Variants in NEK10 observed in about 807,000 individuals in gnomAD.
NEK10 encodes serine/threonine-protein kinase Nek10.
Under a neutral mutation model 159.8 loss-of-function variants are expected in NEK10, and 122 were observed. That is an observed-to-expected ratio of 0.76 (90% CI 0.66 to 0.89). The LOEUF (loss-of-function observed/expected upper bound fraction) is 0.89, where lower values mean the gene tolerates loss of function less well. NEK10 is among the 40% of genes least tolerant of loss of function. NEK10 has a pLI of 0.00. For missense variants in NEK10, 1,342 were observed against 1,323.1 expected, an observed-to-expected ratio of 1.01 and a Z score of -0.22; for synonymous variants, 466 against 457.1, an observed-to-expected ratio of 1.02 and a Z score of -0.25.
At chr3:27,243,408 G>GC (rs1954752290) in intron 23 of NEK10, among the ~76,000 whole-genome samples, 1 of 147,556 alleles carries the variant, frequency 6.8e-6, no homozygotes, top group East Asian at 1.9e-4. Flanking sequence ...TAATTCTTTT[G>GC]CCCCTAATAT....
At chr3:27,254,773 T>C (rs1219038585) in intron 23 of NEK10, among the ~76,000 whole-genome samples, 1 of 152,184 alleles carries the variant, frequency 6.6e-6, no homozygotes, top group Admixed American at 6.5e-5. Context: ...ATAGCTTATC[T>C]ATATGAGTAG....
rs1248297899 is a variant in NEK10 at position 27,171,949 on chromosome 3, A to G, written c.2777-76T>C. 4.2e-6 allele frequency: 6 copies of G among 1,431,426 alleles called. No individual in the cohort carries two copies. The African/African-American group carries it at 7.2e-5, about 17-fold the overall frequency. The allele number at this position is 1,431,426 out of a possible 1,614,324, so 88.7% of individuals were successfully genotyped here. A position where few individuals can be genotyped will look rare whatever the true frequency, so the allele number is the denominator to read the frequency against. ...TTATTTTTTATGTTTTAATAAAACA[A>G]TACTGAACAACAAATACTGGTGAAG... On this transcript the variant is annotated intron_variant, in intron 28 of 35. Transcript: ENST00000691995.
In NEK10 at chr3:27,183,116, G is replaced by A. The variant is rs950147874; in HGVS notation, c.2506-8283C>T. 2.2e-4 allele frequency among the ~76,000 whole-genome samples: 33 copies of A among 151,834 alleles called. No homozygotes were observed. The Middle Eastern group carries it at 0.01, about 47-fold the overall frequency. ...CACAAACAAATGATAAATGTTGGAG[G>A]TGGCTGATACCCCAATTACCCTGAT... is the stretch of plus-strand genomic sequence containing the variant. On this transcript the variant is annotated intron_variant, in intron 26 of 35. Coordinates refer to ENST00000691995, the MANE Select transcript of NEK10 (RefSeq NM_001394966.1).
chr3:27,301,804 T>C lies in NEK10; in HGVS notation c.1060A>G (p.Ile354Val), dbSNP rs774672954. ...DRNFVSDHSS[I>V]GSLSSANAAG... ...GCATTTGCACTGGACAGGCTTCCAA[T>C]GGAGGAGTGATCAGAAACAAAATTT... The change falls in exon 13 of 36, where the codon ATT becomes GTT. Residue 354 changes from isoleucine (I) to valine (V), a missense_variant. Ile to Val is a conservative substitution (Grantham distance 29, BLOSUM62 3). Coordinates refer to ENST00000691995, the MANE Select transcript of NEK10 (RefSeq NM_001394966.1). 1.3e-6 allele frequency: 2 copies of C among 1,554,002 alleles called. No homozygotes were observed. Among genetic ancestry groups the C allele is most frequent in the East Asian group, 4.9e-5 (2 of 41,204 alleles).
intron 30 of NEK10, among the ~76,000 whole-genome samples, chr3:27,146,815 A>G (rs1522166): frequency 0.19 from 29,303 of 152,142 alleles, 2,881 homozygotes; most frequent in African/African-American, 0.24. Context: ...GGGAAGTTGT[A>G]TGTGAGTGTG....
chr3:27,194,086 C>T (rs1292055469), intron 25 of NEK10: 1 of 151,868 alleles, frequency 6.6e-6, no homozygotes, highest in Admixed American at 6.6e-5. Context: ...AGTCTCGTTG[C>T]TCTGAAATGA....
chr3:27,144,633 C>T (rs906958822), intron 30 of NEK10, among the ~76,000 whole-genome samples: 1 of 152,140 alleles, frequency 6.6e-6, no homozygotes, highest in African/African-American at 2.4e-5. Flanking sequence ...TGCTGTACTT[C>T]TTTGGTAAAT....
At chr3:27,134,566 CTG>C (rs1479365489) in intron 31 of NEK10, among the ~76,000 whole-genome samples, 2 of 152,190 alleles carry the variant, frequency 1.3e-5, no homozygotes, top group South Asian at 4.1e-4. Context: ...TTCAGGTACT[CTG>C]AGAATTCTTG....
intron 23 of NEK10, among the ~76,000 whole-genome samples, chr3:27,221,779 A>AGCCC (rs2149157649): frequency 6.6e-6 from 1 of 152,194 alleles, no homozygotes; most frequent in Non-Finnish European, 1.5e-5. Flanking sequence ...CACCCCCACT[A>AGCCC]GCCCTGCTCA....
intron 26 of NEK10, among the ~76,000 whole-genome samples, chr3:27,186,233 T>C (rs1045104657): frequency 6.6e-6 from 1 of 152,234 alleles, no homozygotes; most frequent in East Asian, 1.9e-4. Context: ...CATCCCAACA[T>C]ATTTTGCCTT....
chr3:27,230,101 T>G (rs1168966880), intron 23 of NEK10, among the ~76,000 whole-genome samples: 3 of 151,956 alleles, frequency 2.0e-5, no homozygotes, highest in Non-Finnish European at 2.9e-5. Flanking sequence ...AAGAAAAGAA[T>G]TTTAACAGAA....
At chr3:27,346,336 C>T in intron 3 of NEK10, 120 bp from the exon 4 acceptor site, 1 of 1,007,030 alleles carries the variant, frequency 9.9e-7, no homozygotes, top group African/African-American at 1.6e-5. Context: ...ATTAAGATAA[C>T]AACCCTTTCA....
At chr3:27,194,136 T>A (rs1949365061) in intron 25 of NEK10, 1 of 151,224 alleles carries the variant, frequency 6.6e-6, no homozygotes, top group Non-Finnish European at 1.5e-5. Context: ...TTTTTTTTTT[T>A]TTTTTTTGAG....
At chr3:27,360,980 C>G (rs2048643298) in intron 1 of NEK10, among the ~76,000 whole-genome samples, 1 of 152,082 alleles carries the variant, frequency 6.6e-6, no homozygotes, top group African/African-American at 2.4e-5. Flanking sequence ...GTATTCTAAC[C>G]CTCTCCCACT....
chr3:27,340,444 C>T (rs984682715), intron 5 of NEK10, among the ~76,000 whole-genome samples: 5 of 152,060 alleles, frequency 3.3e-5, no homozygotes, highest in Admixed American at 3.3e-4. Context: ...TGGATAGGTG[C>T]AGCAAACCAC....
At chr3:27,302,539 C>T (rs115143145) in intron 12 of NEK10, among the ~76,000 whole-genome samples, 1 of 152,138 alleles carries the variant, frequency 6.6e-6, no homozygotes, top group Admixed American at 6.5e-5. Context: ...TCATGCTCTG[C>T]TTAATGTCTT....
intron 22 of NEK10, among the ~76,000 whole-genome samples, chr3:27,271,055 G>A (rs2041299202): frequency 6.6e-6 from 1 of 152,114 alleles, no homozygotes; most frequent in East Asian, 1.9e-4. Flanking sequence ...TATCCCTGTA[G>A]ACTGATGGAT....
intron 1 of NEK10, among the ~76,000 whole-genome samples, chr3:27,357,311 T>A (rs1559556494): frequency 6.6e-6 from 1 of 152,134 alleles, no homozygotes; most frequent in Non-Finnish European, 1.5e-5. Context: ...ATAAAAGGAT[T>A]ATTTTAAAAA....
intron 23 of NEK10, among the ~76,000 whole-genome samples, chr3:27,205,024 T>A (rs1308468882): frequency 6.6e-6 from 1 of 151,114 alleles, no homozygotes; most frequent in Non-Finnish European, 1.5e-5. Flanking sequence ...AGATGGTATC[T>A]CATAGTGGTT....
Sources: gnomAD v4.1 joint callset for allele counts (sites outside exome capture counted in the v4.1 genomes callset) on GRCh38, gnomAD v4.1.1 for gene constraint, MANE v1.5 for transcripts, NCBI Gene and HGNC (gene_info 2026-07-23, HGNC 2026-07-21) for gene names.